Variants in GLT8D2 observed in about 807,000 individuals in gnomAD.
The protein encoded by GLT8D2 is glycosyltransferase 8 domain-containing protein 2.
Under a neutral mutation model 44.5 loss-of-function variants are expected in GLT8D2, and 45 were observed. That is an observed-to-expected ratio of 1.01 (90% CI 0.80 to 1.30). GLT8D2 has a LOEUF of 1.30. Ranked by LOEUF, GLT8D2 falls within the 50% of genes most tolerant of loss-of-function variation. GLT8D2 has a pLI of 0.00. For missense variants in GLT8D2, 400 were observed against 430.4 expected (o/e 0.93, Z 0.62); for synonymous variants, 156 against 157.2 (o/e 0.99, Z 0.06).
At chr12:104,038,266 T>C (rs975730115) in intron 1 of GLT8D2, among the ~76,000 whole-genome samples, 1 of 152,172 alleles carries the variant, frequency 6.6e-6, no homozygotes, top group Non-Finnish European at 1.5e-5. Context: ...ACCACTCCTA[T>C]TCAACATAGT....
intron 6 of GLT8D2, among the ~76,000 whole-genome samples, chr12:103,997,894 T>C (rs1216269823): frequency 3.4e-5 from 5 of 146,956 alleles, no homozygotes; most frequent in Non-Finnish European, 7.4e-5. Context: ...TTGATAATTG[T>C]CAATTAAATC....
intron 4 of GLT8D2, chr12:104,012,835 G>A (rs528609051): frequency 1.3e-4 from 89 of 696,464 alleles, no homozygotes; most frequent in Non-Finnish European, 2.1e-4. Flanking sequence ...CCTAATAAAA[G>A]GAGGAAAAGA....
At chr12:104,018,841 T>C (rs1368639209) in intron 3 of GLT8D2, among the ~76,000 whole-genome samples, 2 of 152,252 alleles carry the variant, frequency 1.3e-5, no homozygotes, top group East Asian at 1.9e-4. Flanking sequence ...CTTTGTTTGC[T>C]GAATCTGGCA....
chr12:104,052,046 C>A (rs1222533566), upstream of GLT8D2, among the ~76,000 whole-genome samples: 1 of 151,994 alleles, frequency 6.6e-6, no homozygotes, highest in East Asian at 1.9e-4. Flanking sequence ...ATTCACGAGT[C>A]CAGGTTGGTC....
intron 1 of GLT8D2, among the ~76,000 whole-genome samples, chr12:104,060,923 A>G (rs770285356): frequency 2.0e-5 from 3 of 151,924 alleles, no homozygotes; most frequent in Non-Finnish European, 4.4e-5. Flanking sequence ...ACCTTGTCTC[A>G]AAAAGAAAAA....
intron 4 of GLT8D2, chr12:104,014,113 C>T (rs999113717): frequency 1.9e-6 from 1 of 538,864 alleles, no homozygotes; most frequent in Non-Finnish European, 3.3e-6. Flanking sequence ...CCTGTAATCC[C>T]AGCACTTTGG....
chr12:104,054,952 G>A (rs1471887797), upstream of GLT8D2, among the ~76,000 whole-genome samples: 1 of 152,154 alleles, frequency 6.6e-6, no homozygotes, highest in Non-Finnish European at 1.5e-5. Context: ...TAATGGTGGA[G>A]ACTTTTTAAA....
At chr12:103,997,912 A>AACACAC (rs1873670958) in intron 6 of GLT8D2, among the ~76,000 whole-genome samples, 1 of 71,336 alleles carries the variant, frequency 1.4e-5, no homozygotes. Flanking sequence ...ATCAGCCTTA[A>AACACAC]ATACACACAC....
Position 104,064,043 on chromosome 12 carries a change from CG to C in GLT8D2, c.-518del, listed in dbSNP as rs1882930938. 1 of 152,324 alleles carries C rather than the reference CG, an allele frequency of 6.6e-6. No individual in the cohort carries two copies. The highest frequency in any genetic ancestry group is 2.4e-5 in the African/African-American group (1 of 41,448). 9.4% of individuals were successfully genotyped at this position (152,324 alleles called of 1,614,324 possible). A position where few individuals can be genotyped will look rare whatever the true frequency, so the allele number is the denominator to read the frequency against. On this transcript the variant is annotated 5_prime_UTR_variant, in exon 1 of 11. Transcript: ENST00000548660. This position sits in a 1 kb window ranked among gnomAD's most constrained non-coding sequence, Gnocchi z 7.3. The stretch of plus-strand genomic sequence containing the variant: ...AGGCTTTGTAGCGACCTTCCCTGCC[CG>C]GGTCCCAGTCACGGTCGGGAGCAGC...
At chr12:104,003,630 C>T (rs1394015343) in intron 4 of GLT8D2, among the ~76,000 whole-genome samples, 1 of 152,154 alleles carries the variant, frequency 6.6e-6, no homozygotes, top group Non-Finnish European at 1.5e-5. Context: ...TTGCCTTTCC[C>T]CTTTCCCATT....
chr12:103,993,022 TCA>T (rs1872962005), intron 10 of GLT8D2, among the ~76,000 whole-genome samples: 1 of 152,134 alleles, frequency 6.6e-6, no homozygotes, highest in Admixed American at 6.5e-5. Flanking sequence ...GCTATGGTGC[TCA>T]CTGGGTCTAT....
intron 4 of GLT8D2, among the ~76,000 whole-genome samples, chr12:104,008,333 CT>C (rs1305255684): frequency 1.3e-5 from 2 of 152,112 alleles, no homozygotes; most frequent in Non-Finnish European, 2.9e-5. Flanking sequence ...ACAAAGGTGA[CT>C]TTTGTTATGT....
At chr12:103,991,644 G>T (rs1311139852) in intron 10 of GLT8D2, among the ~76,000 whole-genome samples, 1 of 151,990 alleles carries the variant, frequency 6.6e-6, no homozygotes, top group African/African-American at 2.4e-5. Context: ...GTTGATATTT[G>T]ACCTAATGTT....
At chr12:103,992,115 G>GGCCC (rs1441932951) in intron 10 of GLT8D2, among the ~76,000 whole-genome samples, 1 of 152,194 alleles carries the variant, frequency 6.6e-6, no homozygotes, top group Non-Finnish European at 1.5e-5. Flanking sequence ...AAACATGTCT[G>GGCCC]GCCCAGCGGT....
At chr12:104,033,895 G>A (rs770506998) in intron 1 of GLT8D2, among the ~76,000 whole-genome samples, 5 of 151,528 alleles carry the variant, frequency 3.3e-5, no homozygotes, top group Non-Finnish European at 7.4e-5. Flanking sequence ...ATAGCTCATT[G>A]TAACCTTGAG....
At chr12:104,050,645 T>G (rs1038497), upstream of GLT8D2, among the ~76,000 whole-genome samples, 124,320 of 152,042 alleles carry the variant, frequency 0.82, 51,056 homozygotes, top group African/African-American at 0.87. Context: ...CTCTGCGGTG[T>G]GTTCTCAAAC....
chr12:104,052,166 C>A (rs1593577199), upstream of GLT8D2, among the ~76,000 whole-genome samples: 2 of 152,282 alleles, frequency 1.3e-5, no homozygotes, highest in South Asian at 4.1e-4. Context: ...GCACTAGTCA[C>A]ATTTAAGTAC....
At chr12:104,043,623 C>T (rs559886772) in intron 1 of GLT8D2, among the ~76,000 whole-genome samples, 2 of 152,214 alleles carry the variant, frequency 1.3e-5, no homozygotes, top group Admixed American at 6.5e-5. Context: ...TGCACCACCA[C>T]GCCCAGCTAG....
chr12:104,030,291 G>A (rs954021635), intron 1 of GLT8D2, among the ~76,000 whole-genome samples: 4 of 151,698 alleles, frequency 2.6e-5, no homozygotes, highest in African/African-American at 9.7e-5. Flanking sequence ...TGGGAAAACT[G>A]GATATTAACA....
Sources: gnomAD v4.1 joint callset for allele counts (sites outside exome capture counted in the v4.1 genomes callset) on GRCh38, gnomAD v4.1.1 for gene constraint, Gnocchi (gnomAD v3.1) non-coding constraint, MANE v1.5 for transcripts, NCBI Gene and HGNC (gene_info 2026-07-23, HGNC 2026-07-21) for gene names.